Variants in PDSS2 observed in about 807,000 individuals in gnomAD.
PDSS2 encodes decaprenyl diphosphate synthase subunit 2.
In PDSS2, 31 loss-of-function variants were observed where a neutral mutation model predicts 44.5. The observed-to-expected ratio is 0.70, with a 90% CI of 0.52 to 0.94. The LOEUF (loss-of-function observed/expected upper bound fraction) is 0.94, where lower values mean the gene tolerates loss of function less well. Among genes scored for constraint, PDSS2 ranks in the 40% least tolerant of loss-of-function variants. The probability of loss-of-function intolerance (pLI) is 0.00; values close to 1 mark genes in which losing one functional copy is unlikely to be tolerated. For missense variants in PDSS2, 452 were observed against 482.2 expected (o/e 0.94, Z 0.59); for synonymous variants, 157 against 180.3 (o/e 0.87, Z 1.03).
intron 1 of PDSS2, among the ~76,000 whole-genome samples, chr6:107,411,701 A>C (rs1780499379): frequency 6.6e-6 from 1 of 152,122 alleles, no homozygotes; most frequent in Non-Finnish European, 1.5e-5. Context: ...TGTATTAATT[A>C]TTATAAGTAA....
chr6:107,178,613 G>A (rs1450635677), intron 7 of PDSS2, among the ~76,000 whole-genome samples: 1 of 152,204 alleles, frequency 6.6e-6, no homozygotes, highest in Non-Finnish European at 1.5e-5. Context: ...AATTATGTTA[G>A]ATTATAGACT....
chr6:107,429,908 A>T (rs1432481910), intron 1 of PDSS2, among the ~76,000 whole-genome samples: 1 of 24,682 alleles, frequency 4.1e-5, no homozygotes, highest in Non-Finnish European at 8.2e-5. Context: ...AAAAATATAT[A>T]TATATATATA....
intron 4 of PDSS2, among the ~76,000 whole-genome samples, chr6:107,225,155 ATATATATTTTTTTTTTTTTTTT>A: frequency 1.9e-5 from 1 of 51,466 alleles, no homozygotes; most frequent in African/African-American, 1.2e-4. Context: ...ATATATATAT[ATATATATTTTTTTTTTTTTTTT>A]TTTTTTTTTT....
intron 7 of PDSS2, among the ~76,000 whole-genome samples, chr6:107,157,969 C>T (rs1457674851): frequency 6.6e-6 from 1 of 152,082 alleles, no homozygotes; most frequent in Non-Finnish European, 1.5e-5. Flanking sequence ...CTGCGCCCGA[C>T]TTAGTGTTGT....
intron 7 of PDSS2, among the ~76,000 whole-genome samples, chr6:107,191,159 G>A (rs9486554): frequency 0.051 from 7,724 of 152,230 alleles, 593 homozygotes; most frequent in African/African-American, 0.17. Context: ...CCAAAGTGCT[G>A]GGATTACAGG....
At chr6:107,368,698 C>A (rs1779038683) in intron 1 of PDSS2, among the ~76,000 whole-genome samples, 1 of 151,912 alleles carries the variant, frequency 6.6e-6, no homozygotes, top group African/African-American at 2.4e-5. Flanking sequence ...CTACAAAAAA[C>A]ATACCAGGCA....
chr6:107,406,671 A>G (rs1780329766), intron 1 of PDSS2, among the ~76,000 whole-genome samples: 1 of 152,248 alleles, frequency 6.6e-6, no homozygotes, highest in South Asian at 2.1e-4. Context: ...ACAGCTAGTT[A>G]GTGAATGACA....
chr6:107,382,087 T>C (rs1779470867), intron 1 of PDSS2, among the ~76,000 whole-genome samples: 2 of 152,354 alleles, frequency 1.3e-5, no homozygotes, highest in South Asian at 4.1e-4. Flanking sequence ...TTTAATTCCC[T>C]TCACTGCACT....
At chr6:107,240,926 T>C (rs1774401584) in intron 4 of PDSS2, among the ~76,000 whole-genome samples, 1 of 152,038 alleles carries the variant, frequency 6.6e-6, no homozygotes, top group Non-Finnish European at 1.5e-5. Flanking sequence ...AAAGGATGAA[T>C]TTCCTAAGCT....
intron 1 of PDSS2, among the ~76,000 whole-genome samples, chr6:107,405,622 C>T (rs58953874): frequency 0.035 from 5,278 of 151,772 alleles, 314 homozygotes; most frequent in African/African-American, 0.12. Flanking sequence ...CCGAGGCGGG[C>T]GGATCACGAG....
intron 2 of PDSS2, among the ~76,000 whole-genome samples, chr6:107,278,665 C>T (rs913412732): frequency 6.6e-6 from 1 of 152,116 alleles, no homozygotes; most frequent in Non-Finnish European, 1.5e-5. Flanking sequence ...ATTTTGACAT[C>T]TATAGTCATA....
At chr6:107,226,019 A>C (rs1773807428) in intron 4 of PDSS2, among the ~76,000 whole-genome samples, 1 of 152,190 alleles carries the variant, frequency 6.6e-6, no homozygotes, top group Admixed American at 6.6e-5. Context: ...ACAAAGAAAT[A>C]TAATTATAGC....
chr6:107,392,381 T>C (rs538170805), intron 1 of PDSS2, among the ~76,000 whole-genome samples: 39 of 152,330 alleles, frequency 2.6e-4, no homozygotes, highest in South Asian at 1.0e-3. Context: ...GTAATGGCTT[T>C]AAAAATTTTT....
At chr6:107,223,466 T>A (rs1332030000) in intron 4 of PDSS2, among the ~76,000 whole-genome samples, 22 of 149,138 alleles carry the variant, frequency 1.5e-4, no homozygotes. Flanking sequence ...GGGAGGGAGG[T>A]GGAGGTTGCA....
intron 2 of PDSS2, among the ~76,000 whole-genome samples, chr6:107,280,173 C>T (rs567854210): frequency 4.0e-4 from 61 of 152,224 alleles, no homozygotes; most frequent in Admixed American, 2.8e-3. Context: ...AATTCTCATG[C>T]GTCAGCCTCC....
At chr6:107,214,385 C>T (rs1216802466) in intron 4 of PDSS2, among the ~76,000 whole-genome samples, 1 of 152,110 alleles carries the variant, frequency 6.6e-6, no homozygotes. Flanking sequence ...GCCACCGCTC[C>T]CGGCCTTTAC....
At chr6:107,284,717 T>G (rs538428067) in intron 2 of PDSS2, among the ~76,000 whole-genome samples, 25 of 151,852 alleles carry the variant, frequency 1.6e-4, no homozygotes, top group Non-Finnish European at 3.4e-4. Context: ...AGCTACACCC[T>G]TCATTCCTCT....
chr6:107,327,256 C>T (rs139301438), intron 2 of PDSS2, among the ~76,000 whole-genome samples: 49 of 152,170 alleles, frequency 3.2e-4, no homozygotes, highest in Middle Eastern at 3.4e-3. Context: ...TGCACTGGGT[C>T]CCCAGCAGCA....
chr6:107,213,549 A>C (rs9398123), intron 4 of PDSS2, among the ~76,000 whole-genome samples: 115,990 of 151,776 alleles, frequency 0.76, 45,053 homozygotes, highest in East Asian at 0.99. Flanking sequence ...TCACGAGGTC[A>C]GGAGTTCAAG....
Sources: allele counts gnomAD v4.1 joint callset (sites outside exome capture counted in the v4.1 genomes callset), GRCh38; gene constraint gnomAD v4.1.1; transcripts MANE v1.5; gene names NCBI Gene and HGNC (gene_info 2026-07-23, HGNC 2026-07-21).